ATG10: variants seen among roughly 807,000 people sequenced by gnomAD.
ATG10 encodes autophagy related 10, also known as ubiquitin-like-conjugating enzyme ATG10.
In ATG10, 30 loss-of-function variants were observed where a neutral mutation model predicts 32.1. The observed-to-expected ratio is 0.94, with a 90% confidence interval of 0.70 to 1.27. The LOEUF (loss-of-function observed/expected upper bound fraction) is 1.27. Ranked by LOEUF, ATG10 falls within the 50% of genes most tolerant of loss-of-function variation. The pLI is 0.00. For synonymous variants in ATG10, 87 were observed against 91.5 expected, an observed-to-expected ratio of 0.95 and a Z score of 0.28; for missense variants, 233 against 262.3, an observed-to-expected ratio of 0.89 and a Z score of 0.77.
intron 2 of ATG10, among the ~76,000 whole-genome samples, chr5:82,021,702 G>A (rs1478639823): frequency 6.6e-6 from 1 of 151,912 alleles, no homozygotes; most frequent in Non-Finnish European, 1.5e-5. Flanking sequence ...CCAACATGGT[G>A]AAACCCTGTC....
intron 3 of ATG10, among the ~76,000 whole-genome samples, chr5:82,150,739 TC>T (rs1229603157): frequency 2.0e-5 from 3 of 152,188 alleles, no homozygotes; most frequent in Non-Finnish European, 4.4e-5. Flanking sequence ...CAGGCTGTGT[TC>T]CAAAGGGTGC....
intron 2 of ATG10, among the ~76,000 whole-genome samples, chr5:82,016,098 C>T (rs761929340): frequency 1.4e-4 from 21 of 152,030 alleles, no homozygotes; most frequent in African/African-American, 3.4e-4. Flanking sequence ...ATTGTCTCGT[C>T]TATTTATCTT....
chr5:81,985,831 C>G (rs113082643), intron 1 of ATG10, among the ~76,000 whole-genome samples: 3 of 152,308 alleles, frequency 2.0e-5, no homozygotes, highest in Admixed American at 2.0e-4. Flanking sequence ...GGCGCGATCT[C>G]GGCTCACTGC....
At chr5:82,129,625 T>C (rs989598035) in intron 3 of ATG10, among the ~76,000 whole-genome samples, 4 of 152,164 alleles carry the variant, frequency 2.6e-5, no homozygotes, top group Admixed American at 6.6e-5. Context: ...TGCTGGAGTT[T>C]CCTGGAGGTC....
At chr5:82,036,241 A>G (rs1381004330) in intron 2 of ATG10, among the ~76,000 whole-genome samples, 1 of 152,138 alleles carries the variant, frequency 6.6e-6, no homozygotes, top group Non-Finnish European at 1.5e-5. Flanking sequence ...CCTGTTTTCT[A>G]GAGTCTGTTT....
chr5:81,985,962 A>G (rs2149664900), intron 1 of ATG10, among the ~76,000 whole-genome samples: 1 of 152,012 alleles, frequency 6.6e-6, no homozygotes, highest in African/African-American at 2.4e-5. Flanking sequence ...ACGGGGTTTC[A>G]CTGTGTTAGC....
chr5:82,054,232 GA>G (rs1323702961), intron 2 of ATG10, among the ~76,000 whole-genome samples: 2 of 152,184 alleles, frequency 1.3e-5, no homozygotes, highest in Non-Finnish European at 2.9e-5. Context: ...CTTGGATTGA[GA>G]ACCATTGTTA....
At chr5:82,081,318 A>C (rs1764474082) in intron 3 of ATG10, among the ~76,000 whole-genome samples, 1 of 152,180 alleles carries the variant, frequency 6.6e-6, no homozygotes, top group Non-Finnish European at 1.5e-5. Flanking sequence ...GGACAATTTG[A>C]CTTCCTCTTT....
intron 3 of ATG10, among the ~76,000 whole-genome samples, chr5:82,157,487 A>T (rs1055528273): frequency 5.9e-5 from 9 of 152,210 alleles, no homozygotes; most frequent in African/African-American, 1.7e-4. Flanking sequence ...GGGATTGTGG[A>T]AAAAGTCATT....
chr5:82,004,133 G>A (rs570736747), intron 2 of ATG10, among the ~76,000 whole-genome samples: 164 of 2,534 alleles, frequency 0.065, no homozygotes, highest in Admixed American at 0.18. Context: ...ACAAGACTCC[G>A]TCTCAAAAAA....
chr5:82,185,322 C>T (rs918982581), intron 5 of ATG10, among the ~76,000 whole-genome samples: 2 of 152,094 alleles, frequency 1.3e-5, no homozygotes, highest in African/African-American at 4.8e-5. Context: ...TTTCTGATTC[C>T]ATATGTCTGG....
At chr5:82,108,689 A>G (rs1004606493) in intron 3 of ATG10, among the ~76,000 whole-genome samples, 4 of 152,046 alleles carry the variant, frequency 2.6e-5, no homozygotes, top group African/African-American at 9.7e-5. Context: ...ATATGATGTC[A>G]GTGTTGATAG....
intron 5 of ATG10, among the ~76,000 whole-genome samples, chr5:82,222,927 G>A (rs1009462714): frequency 1.3e-5 from 2 of 152,238 alleles, no homozygotes; most frequent in African/African-American, 2.4e-5. Context: ...TAAGAATAGT[G>A]TTGTAATTTG....
intron 3 of ATG10, among the ~76,000 whole-genome samples, chr5:82,112,090 T>C (rs950641367): frequency 2.6e-5 from 4 of 151,924 alleles, no homozygotes; most frequent in African/African-American, 9.7e-5. Flanking sequence ...TAGTTACATA[T>C]GTTGGGTTAA....
chr5:81,987,364 GTCC>G (rs1191661159), intron 1 of ATG10, among the ~76,000 whole-genome samples, 192 bp from the exon 2 acceptor site: 2 of 152,150 alleles, frequency 1.3e-5, no homozygotes, highest in Non-Finnish European at 2.9e-5. Flanking sequence ...GGTTCAAGCT[GTCC>G]TCCTGCTTTG....
At chr5:82,249,587 C>T (rs1747159782) in intron 5 of ATG10, among the ~76,000 whole-genome samples, 1 of 152,140 alleles carries the variant, frequency 6.6e-6, no homozygotes, top group East Asian at 1.9e-4. Flanking sequence ...CAGTCAATCT[C>T]TGAGACAGAT....
At chr5:82,110,460 T>C (rs888960317) in intron 3 of ATG10, among the ~76,000 whole-genome samples, 1 of 152,188 alleles carries the variant, frequency 6.6e-6, no homozygotes, top group Non-Finnish European at 1.5e-5. Context: ...CTCCAGCACC[T>C]GTTGTTTCCT....
intron 5 of ATG10, among the ~76,000 whole-genome samples, chr5:82,182,890 C>G (rs1332311344): frequency 1.3e-5 from 2 of 151,888 alleles, no homozygotes; most frequent in Non-Finnish European, 2.9e-5. Context: ...ATGAGATATC[C>G]TTTTGTGTCA....
chr5:82,005,383 C>G (rs1384669129), intron 2 of ATG10, among the ~76,000 whole-genome samples: 2 of 152,214 alleles, frequency 1.3e-5, no homozygotes, highest in African/African-American at 2.4e-5. Context: ...CAACCTCTGT[C>G]TCCTAGGTTC....
Sources: allele counts gnomAD v4.1 joint callset (sites outside exome capture counted in the v4.1 genomes callset), GRCh38; gene constraint gnomAD v4.1.1; transcripts MANE v1.5; gene names NCBI Gene and HGNC (gene_info 2026-07-23, HGNC 2026-07-21).